TMEM272: variants seen among roughly 807,000 people sequenced by gnomAD.
TMEM272 encodes long intergenic non-protein coding RNA 282.
In TMEM272, 8 loss-of-function variants were observed where a neutral mutation model predicts 3.7. That is an observed-to-expected ratio of 2.17 (90% CI 1.27 to 3.91). The LOEUF (loss-of-function observed/expected upper bound fraction) is 3.91. Ranked by LOEUF, TMEM272 falls within the 30% of genes most tolerant of loss-of-function variation. TMEM272 has a pLI of 0.00. For synonymous variants in TMEM272, 63 were observed against 39.8 expected (o/e 1.58, Z -2.20); for missense variants, 166 against 91.5 (o/e 1.81, Z -3.32).
the TMEM272 span, among the ~76,000 whole-genome samples, chr13:51,898,986 C>A: frequency 6.6e-6 from 1 of 152,120 alleles, no homozygotes; most frequent in Admixed American, 6.6e-5. Flanking sequence ...CTTGTCAAGG[C>A]CACCTTCTAG....
the TMEM272 span, among the ~76,000 whole-genome samples, chr13:51,928,439 A>T: frequency 4.6e-5 from 7 of 152,204 alleles, no homozygotes; most frequent in African/African-American, 9.7e-5. Context: ...TGAGACAGGA[A>T]CTATTATTAT....
At position 51,816,740 on chromosome 13, in the gene TMEM272, C is replaced by T. The variant is rs1566330344; in HGVS notation, c.*11G>A. ...GCATATGCATACATGGTATGCTGGA[C>T]AAGGCAGCTGTCAGTCTTCATCGGC... On this transcript the variant is annotated 3_prime_UTR_variant, in exon 5 of 5. Coordinates refer to ENST00000629372, the MANE Select transcript of TMEM272 (RefSeq NM_001351003.2). 1.4e-6 allele frequency: 1 copy of T among 692,910 alleles called. No individual in the cohort carries two copies. 42.9% of individuals were successfully genotyped at this position (692,910 alleles called of 1,614,324 possible).
chr13:51,825,730 G>T (rs969227313), intron 3 of TMEM272, among the ~76,000 whole-genome samples: 1 of 151,630 alleles, frequency 6.6e-6, no homozygotes, highest in African/African-American at 2.4e-5. Context: ...CGAGTAGCTG[G>T]GACTACAGGC....
At chr13:51,905,633 C>A in the TMEM272 span, among the ~76,000 whole-genome samples, 5 of 152,322 alleles carry the variant, frequency 3.3e-5, no homozygotes, top group East Asian at 1.9e-4. Flanking sequence ...CTGCCCAGAG[C>A]CCCTCTGCCT....
the TMEM272 span, chr13:51,910,489 T>C: frequency 1.3e-6 from 1 of 758,340 alleles, no homozygotes; most frequent in East Asian, 2.5e-5. Context: ...GCTGCACATA[T>C]CACCAATTCC....
the TMEM272 span, among the ~76,000 whole-genome samples, chr13:51,850,417 C>A: frequency 6.6e-6 from 1 of 152,162 alleles, no homozygotes; most frequent in African/African-American, 2.4e-5. Flanking sequence ...AAAAACTAGA[C>A]AAGGGCCCTG....
At chr13:51,822,690 C>CA (rs1326903622) in intron 3 of TMEM272, among the ~76,000 whole-genome samples, 1 of 152,176 alleles carries the variant, frequency 6.6e-6, no homozygotes, top group Non-Finnish European at 1.5e-5. Context: ...AACCATTGAC[C>CA]ATGCCACTCG....
At chr13:51,931,152 C>T in the TMEM272 span, among the ~76,000 whole-genome samples, 1 of 152,096 alleles carries the variant, frequency 6.6e-6, no homozygotes, top group Non-Finnish European at 1.5e-5. Flanking sequence ...ACTATAAAGA[C>T]ACATGGACAC....
the TMEM272 span, chr13:51,908,964 C>T: frequency 6.1e-5 from 85 of 1,401,388 alleles, no homozygotes; most frequent in East Asian, 1.9e-3. Flanking sequence ...TGGGTCTCTT[C>T]CTCCTCCCCC....
chr13:51,913,242 C>T, the TMEM272 span, among the ~76,000 whole-genome samples: 10 of 152,262 alleles, frequency 6.6e-5, no homozygotes, highest in Middle Eastern at 3.4e-3. Flanking sequence ...CAATCCCTTG[C>T]ATAAAAAAAT....
chr13:51,919,636 T>A, the TMEM272 span, among the ~76,000 whole-genome samples: 1 of 152,254 alleles, frequency 6.6e-6, no homozygotes, highest in Non-Finnish European at 1.5e-5. Context: ...TCATTCTGAA[T>A]GCTGCAGAGT....
Position 51,822,036 on chromosome 13 carries a change from G to A in TMEM272, c.201+19C>T, listed in dbSNP as rs115914595. On this transcript the variant is annotated intron_variant, in intron 4 of 4. Transcript: ENST00000629372. The stretch of plus-strand genomic sequence containing the variant: ...TTAATTTCTACAAGGACTACAAACA[G>A]CAGATAAAGATACTTTACCTTTAAG... The A allele has an allele frequency of 4.0e-3, 2,788 of 702,472 alleles. 61 individuals are homozygous for A. In the African/African-American group the frequency reaches 0.043, roughly 11 times the overall value. 43.5% of individuals were successfully genotyped at this position (702,472 alleles called of 1,614,324 possible).
At chr13:51,910,502 T>C in the TMEM272 span, 1 of 747,684 alleles carries the variant, frequency 1.3e-6, no homozygotes, top group Non-Finnish European at 2.5e-6. Context: ...CCAATTCCCA[T>C]GGAAAACCAT....
the TMEM272 span, among the ~76,000 whole-genome samples, chr13:51,872,878 T>A: frequency 6.6e-6 from 1 of 152,202 alleles, no homozygotes; most frequent in Non-Finnish European, 1.5e-5. Flanking sequence ...GAGGGTAGAA[T>A]AAAGGCGTTT....
chr13:51,854,157 C>G, the TMEM272 span, among the ~76,000 whole-genome samples: 1 of 152,066 alleles, frequency 6.6e-6, no homozygotes, highest in African/African-American at 2.4e-5. Context: ...CGTGAGCTCG[C>G]TGATGTTAAG....
the TMEM272 span, among the ~76,000 whole-genome samples, chr13:51,870,906 T>C: frequency 1.3e-5 from 2 of 152,204 alleles, no homozygotes; most frequent in Non-Finnish European, 2.9e-5. Context: ...GGTTTATTCT[T>C]TGGGGAGGAC....
the TMEM272 span, among the ~76,000 whole-genome samples, chr13:51,895,867 C>CA: frequency 1.3e-5 from 2 of 152,180 alleles, no homozygotes. Flanking sequence ...TTCCAATACA[C>CA]AACCCCTGAG....
At chr13:51,863,188 T>C in the TMEM272 span, among the ~76,000 whole-genome samples, 2 of 152,178 alleles carry the variant, frequency 1.3e-5, no homozygotes, top group South Asian at 2.1e-4. Flanking sequence ...ATAGAGCCCG[T>C]TAATACTGGG....
At chr13:51,894,872 G>T in the TMEM272 span, among the ~76,000 whole-genome samples, 1 of 151,892 alleles carries the variant, frequency 6.6e-6, no homozygotes, top group Non-Finnish European at 1.5e-5. Flanking sequence ...GAATTAGTGG[G>T]AGCCCTGAGC....
Sources: gnomAD v4.1 joint callset for allele counts (sites outside exome capture counted in the v4.1 genomes callset) on GRCh38, gnomAD v4.1.1 for gene constraint, MANE v1.5 for transcripts, NCBI Gene and HGNC (gene_info 2026-07-23, HGNC 2026-07-21) for gene names.